Variants in ACSF2 observed in about 807,000 individuals in gnomAD.
The protein encoded by ACSF2 is acyl-CoA synthetase family member 2.
In ACSF2, 52 loss-of-function variants were observed where a neutral mutation model predicts 79.3. The ratio of observed to expected loss-of-function variants is 0.66; its 90% CI spans 0.53 to 0.83. The LOEUF is 0.83. Ranked by LOEUF, ACSF2 falls within the 40% of genes least tolerant of loss-of-function variation. The probability of loss-of-function intolerance (pLI) is 0.00; values close to 1 mark genes in which losing one functional copy is unlikely to be tolerated. For missense variants in ACSF2, 661 were observed against 803.3 expected (o/e 0.82, Z 2.14); for synonymous variants, 283 against 312.6 (o/e 0.91, Z 1.00).
intron 1 of ACSF2, among the ~76,000 whole-genome samples, chr17:50,428,172 G>A (rs1399276705): frequency 6.6e-6 from 1 of 152,164 alleles, no homozygotes; most frequent in Non-Finnish European, 1.5e-5. Flanking sequence ...CTGAGCAGCA[G>A]AGCAAAACCT....
At chr17:50,473,562 A>G (rs1017683851) in intron 12 of ACSF2, 103 bp from the exon 13 acceptor site, 1 of 1,487,292 alleles carries the variant, frequency 6.7e-7, no homozygotes. Flanking sequence ...AGTCTAGAGC[A>G]GTGGAAGACA....
Position 50,440,943 on chromosome 17 carries a change from C to T in ACSF2, c.128+14554C>T, listed in dbSNP as rs546065848. 6.4e-4 allele frequency among the ~76,000 whole-genome samples: 98 copies of T among 152,350 alleles called. 1 individual carries two copies. In the South Asian group the frequency reaches 0.02, roughly 32 times the overall value. On this transcript the variant is annotated intron_variant, in intron 1 of 15. Transcript: ENST00000300441. ...GGAAAAGTCAGTGTGTGCTCAAGGA[C>T]TGCCAAGTGGGAGGCCTAGTGGGGG...
chr17:50,452,256 T>C (rs17560706), intron 1 of ACSF2, among the ~76,000 whole-genome samples: 1 of 152,024 alleles, frequency 6.6e-6, no homozygotes, highest in Non-Finnish European at 1.5e-5. Context: ...CTGGCACTGC[T>C]GTTTTTCCTC....
intron 10 of ACSF2, chr17:50,467,959 GGT>G: frequency 7.0e-7 from 1 of 1,427,924 alleles, no homozygotes. Flanking sequence ...GACGGGGGAT[GGT>G]GCCAGCTGTG....
chr17:50,434,143 A>G (rs1223317269), intron 1 of ACSF2, among the ~76,000 whole-genome samples: 4 of 151,210 alleles, frequency 2.6e-5, no homozygotes, highest in African/African-American at 9.7e-5. Context: ...GGGAGACCCC[A>G]TCTCTACAGA....
At chr17:50,458,951 A>C (rs1050662948) in intron 1 of ACSF2, among the ~76,000 whole-genome samples, 7 of 152,216 alleles carry the variant, frequency 4.6e-5, no homozygotes, top group African/African-American at 1.4e-4. Context: ...ATTTCCCCAG[A>C]GACAGGGAGC....
chr17:50,445,127 C>A (rs895925674), intron 1 of ACSF2, among the ~76,000 whole-genome samples: 2 of 152,062 alleles, frequency 1.3e-5, no homozygotes, highest in Non-Finnish European at 2.9e-5. Flanking sequence ...ATTGCCCAGG[C>A]TGGTCGTGAA....
chr17:50,434,731 T>C lies in ACSF2; in HGVS notation c.128+8342T>C, dbSNP rs143297739. Among the ~76,000 whole-genome samples, 7 of 152,188 alleles carry C rather than the reference T, an allele frequency of 4.6e-5. No individual in the cohort carries two copies. In the East Asian group the frequency reaches 1.4e-3, roughly 29 times the overall value. On this transcript the variant is annotated intron_variant, in intron 1 of 15. Coordinates refer to ENST00000300441, the MANE Select transcript of ACSF2 (RefSeq NM_025149.6). ...TTTTACTGTAGTCCTTACTAGTCTT[T>C]GTAGTCGTTTGTAGTTTGTTCTTTG...
At chr17:50,442,154 A>G (rs1178176541) in intron 1 of ACSF2, among the ~76,000 whole-genome samples, 1 of 151,938 alleles carries the variant, frequency 6.6e-6, no homozygotes, top group Non-Finnish European at 1.5e-5. Flanking sequence ...AAATTACAAA[A>G]ATTAGCCAGG....
At chr17:50,469,056 T>C in intron 10 of ACSF2, 1 of 1,298,770 alleles carries the variant, frequency 7.7e-7, no homozygotes, top group East Asian at 3.3e-5. Flanking sequence ...CTACCGTGCA[T>C]GAGGGGGTGG....
chr17:50,432,206 A>T (rs1453309628), intron 1 of ACSF2, among the ~76,000 whole-genome samples: 2 of 152,156 alleles, frequency 1.3e-5, no homozygotes, highest in Admixed American at 1.3e-4. Flanking sequence ...CCTGGCCTTG[A>T]CTTTTCTTAT....
chr17:50,426,845 C>A, intron 1 of ACSF2: 1 of 1,497,112 alleles, frequency 6.7e-7, no homozygotes, highest in South Asian at 1.2e-5. Context: ...ATCAGCTGCT[C>A]ACTAACATGG....
rs147301121 is a variant in ACSF2 at position 50,438,412 on chromosome 17, CTG to C, written c.128+12026_128+12027del. Among the ~76,000 whole-genome samples the C allele has an allele frequency of 5.1e-3, 773 of 152,292 alleles. 5 individuals carry two copies. Among genetic ancestry groups the C allele is most frequent in the Non-Finnish European group, 8.4e-3 (571 of 68,022 alleles). On this transcript the variant is annotated intron_variant, in intron 1 of 15. Transcript: ENST00000300441. The stretch of plus-strand genomic sequence containing the variant: ...TTTTTTACGTATTGCTCTGGTGAGA[CTG>C]TGCTACCGTGACCACCAGCAGCAAC...
intron 1 of ACSF2, among the ~76,000 whole-genome samples, chr17:50,443,020 G>A (rs1000975503): frequency 8.0e-5 from 12 of 150,450 alleles, no homozygotes; most frequent in African/African-American, 2.7e-4. Flanking sequence ...ACTGATTCTC[G>A]TGCCTCAGCC....
Position 50,473,785 on chromosome 17 carries a change from C to T in ACSF2, c.1596C>T (p.His532=). Residue 532 remains histidine (H), a synonymous_variant, in exon 13 of 16, where the codon CAC becomes CAT. Transcript: ENST00000300441. ...AGCTCGAGGACTTCTTTCACACACA[C>T]CCGAAGGTGCAGGAAGTGCAGGTGA... ...PAELEDFFHT[H]PKVQEVQVVG... 1 of 1,614,204 alleles carries T rather than the reference C, an allele frequency of 6.2e-7. No individual in the cohort carries two copies. Among genetic ancestry groups the T allele is most frequent in the Admixed American group, 1.7e-5 (1 of 60,028 alleles).
chr17:50,433,374 G>T (rs1194521519), intron 1 of ACSF2, among the ~76,000 whole-genome samples: 1 of 151,980 alleles, frequency 6.6e-6, no homozygotes, highest in African/African-American at 2.4e-5. Flanking sequence ...CAAAATGCTG[G>T]GATTACTGGA....
Position 50,474,073 on chromosome 17 carries a change from C to A in ACSF2, c.1728+69C>A. 6.4e-7 allele frequency: 1 copy of A among 1,565,084 alleles called. No individual in the cohort carries two copies. Among genetic ancestry groups the A allele is most frequent in the Non-Finnish European group, 8.7e-7 (1 of 1,148,576 alleles). ...GCTCACCCACTCCTCTGCCAACCAG[C>A]CCAGGGTGGGGATTGCTCTGCCCTT... On this transcript the variant is annotated intron_variant, in intron 14 of 15. Transcript: ENST00000300441. This position sits in a 1 kb window ranked among gnomAD's most constrained non-coding sequence, Gnocchi z 4.2.
In ACSF2 at chr17:50,453,618, A is replaced by G. The variant is rs1286503657; in HGVS notation, c.129-7059A>G. ...TGGTTGTGTGTCTTGACTATTATCA[A>G]TATCAATATCCTGGCTATAATATTG... On this transcript the variant is annotated intron_variant, in intron 1 of 15. Transcript: ENST00000300441. 2.6e-5 allele frequency among the ~76,000 whole-genome samples: 4 copies of G among 152,242 alleles called. No individual in the cohort carries two copies. The East Asian group carries it at 7.7e-4, about 29-fold the overall frequency.
At chr17:50,426,816 A>C in intron 1 of ACSF2, 1 of 1,361,206 alleles carries the variant, frequency 7.3e-7, no homozygotes, top group African/African-American at 1.4e-5. Context: ...CACTAAACTT[A>C]GCAGTCTCCT....
Sources: gnomAD v4.1 joint callset for allele counts (sites outside exome capture counted in the v4.1 genomes callset) on GRCh38, gnomAD v4.1.1 for gene constraint, Gnocchi (gnomAD v3.1) non-coding constraint, MANE v1.5 for transcripts, NCBI Gene and HGNC (gene_info 2026-07-23, HGNC 2026-07-21) for gene names.